PLXNB3: variants seen among roughly 807,000 people sequenced by gnomAD.
PLXNB3 encodes the protein plexin-B3.
Under a neutral mutation model 125.7 loss-of-function variants are expected in PLXNB3, and 80 were observed. The observed-to-expected ratio is 0.64, with a 90% CI of 0.53 to 0.77. The LOEUF is 0.77. Among genes scored for constraint, PLXNB3 ranks in the 30% least tolerant of loss-of-function variants. The pLI, the probability that PLXNB3 is intolerant of heterozygous loss-of-function variation, is 0.00. For missense variants in PLXNB3, 1,836 were observed against 1,729.3 expected (o/e 1.06, Z -1.09); for synonymous variants, 954 against 783.3 (o/e 1.22, Z -3.64).
rs187552839 is a variant in PLXNB3, at chrX:153,771,272, G to C, written c.2254-38G>C. 15,008 of 1,090,899 alleles carry C rather than the reference G, an allele frequency of 0.014. 1,233 individuals are homozygous for C. The African/African-American group carries it at 0.24, about 17-fold the overall frequency. The allele number at this position is 1,090,899 out of a possible 1,213,427, so 89.9% of individuals were successfully genotyped here. On this transcript the variant is annotated intron_variant, in intron 12 of 35. Coordinates refer to ENST00000361971, the MANE Select transcript of PLXNB3 (RefSeq NM_005393.3). ...AGGAGACAAGAGTCAGAGGTGCCCT[G>C]AGTGGGCACCCAGCCTGACCCCACA...
intron 5 of PLXNB3, 22 bp from the exon 6 acceptor site, chrX:153,769,140 C>G (rs781796340): frequency 1.4e-5 from 17 of 1,195,753 alleles, no homozygotes; most frequent in Admixed American, 2.2e-5. Context: ...CCCATTGCCT[C>G]TCTGCTCTGC....
rs1029099892 is a variant in PLXNB3 at position 153,773,749 on chromosome X, C to G, written c.3279+36C>G. On this transcript the variant is annotated intron_variant, in intron 19 of 35. Coordinates refer to ENST00000361971, the MANE Select transcript of PLXNB3 (RefSeq NM_005393.3). ...CACCAGCAGGCGACAAGGCTGTCCC[C>G]GACCATGCCCATGCCCAGTGGGGAG... 3.4e-6 allele frequency: 4 copies of G among 1,175,001 alleles called. No individual in the cohort carries two copies. The African/African-American group carries it at 5.3e-5, about 16-fold the overall frequency.
Position 153,774,960 on chromosome X carries a change from G to A in PLXNB3, c.4012G>A (p.Glu1338Lys), listed in dbSNP as rs200530402. The change falls in exon 24 of 36, where the codon GAG becomes AAG. Residue 1338 changes from glutamate to lysine, a missense_variant. By Grantham distance (56) the Glu-to-Lys change is moderately conservative (BLOSUM62 1). Coordinates refer to ENST00000361971, the MANE Select transcript of PLXNB3 (RefSeq NM_005393.3). ...IPFLDYRTYA[E>K]RAFFPGHGGC... ...CTTCCTGGACTACCGCACCTACGCC[G>A]AGCGCGCCTTCTTCCCTGGCCATGG... 2.3e-5 allele frequency: 27 copies of A among 1,192,583 alleles called. No individual in the cohort carries two copies. Among genetic ancestry groups the A allele is most frequent in the South Asian group, 3.7e-5 (2 of 54,107 alleles).
At chrX:153,778,844 A>G in intron 35 of PLXNB3, 91 bp from the exon 36 acceptor site, 1 of 1,108,900 alleles carries the variant, frequency 9.0e-7, no homozygotes, top group South Asian at 2.3e-5. Context: ...CTGGATCCCC[A>G]GGCTCCTGCG....
intron 10 of PLXNB3, 29 bp downstream of exon 10, chrX:153,770,671 C>CT: frequency 8.3e-7 from 1 of 1,206,780 alleles, no homozygotes; most frequent in Non-Finnish European, 1.1e-6. Context: ...CGGGCAGAGA[C>CT]AGGGCTGTCC....
chrX:153,766,647 C>T lies in PLXNB3; in HGVS notation c.46-226C>T. The T allele has an allele frequency of 1.1e-5, 8 of 753,483 alleles. No individual in the cohort carries two copies. The South Asian group carries it at 5.4e-4, about 51-fold the overall frequency. 62.1% of individuals were successfully genotyped at this position (753,483 alleles called of 1,213,427 possible). On this transcript the variant is annotated intron_variant, in intron 2 of 35. Transcript: ENST00000361971. ...CGTGCGTGCATGCACCCCTCCCTGCCTCTTGCTCCAGCTCTTGGACACTGT... is the reference window on the plus strand; with the variant it reads ...CGTGCGTGCATGCACCCCTCCCTGCTTCTTGCTCCAGCTCTTGGACACTGT...
chrX:153,772,424 G>A lies in PLXNB3; in HGVS notation c.2775+137G>A, dbSNP rs782312609. The A allele has an allele frequency of 3.7e-4, 192 of 518,049 alleles. No individual in the cohort carries two copies. The East Asian group carries it at 6.9e-3, about 19-fold the overall frequency. The allele number at this position is 518,049 out of a possible 1,213,427, so 42.7% of individuals were successfully genotyped here. A position where few individuals can be genotyped will look rare whatever the true frequency, so the allele number is the denominator to read the frequency against. On this transcript the variant is annotated intron_variant, in intron 16 of 35. Transcript: ENST00000361971. ...GCTGCATGTCTAGGAGGGAAGCCAT[G>A]GCATGTGAGTGGAGGTGGGCAGCCA...
In PLXNB3 at chrX:153,778,332, G is replaced by C; in HGVS notation, c.5474+7G>C. On this transcript the variant is annotated splice_region_variant and intron_variant, in intron 33 of 35. Coordinates refer to ENST00000361971, the MANE Select transcript of PLXNB3 (RefSeq NM_005393.3). Reference sequence around the variant, plus strand: ...ACAAGCAGATGGTGGAGAGGTGGGTGTCAGAGGCATCGGGGCTGCGGGGAA... The same window carrying C: ...ACAAGCAGATGGTGGAGAGGTGGGTCTCAGAGGCATCGGGGCTGCGGGGAA... 8.3e-7 allele frequency: 1 copy of C among 1,207,729 alleles called. No individual in the cohort carries two copies. The highest frequency in any genetic ancestry group is 1.1e-6 in the Non-Finnish European group (1 of 892,771).
At chrX:153,768,751 G>A (rs1272544301) in intron 4 of PLXNB3, among the ~76,000 whole-genome samples, 197 bp from the exon 5 acceptor site, 2 of 112,373 alleles carry the variant, frequency 1.8e-5, no homozygotes, top group Admixed American at 1.9e-4. Context: ...TGCCGCTGCT[G>A]CCCCGGTGTC....
chrX:153,777,865 G>A lies in PLXNB3; in HGVS notation c.5262-83G>A, dbSNP rs782267018. The A allele has an allele frequency of 3.6e-6, 4 of 1,124,667 alleles. No homozygotes were observed. The East Asian group carries it at 1.2e-4, about 34-fold the overall frequency. 92.7% of individuals were successfully genotyped at this position (1,124,667 alleles called of 1,213,427 possible). On this transcript the variant is annotated intron_variant, in intron 31 of 35. Transcript: ENST00000361971. ...TCCAGCGGCCCCTGGCTCCGAGTGT[G>A]TTGCCAGTAGGCTGGAGTACATGGG...
In PLXNB3 at chrX:153,778,924, T is replaced by C; in HGVS notation, c.5626-11T>C. Reference sequence around the variant, plus strand: ...GCAGGCTCAGACAGGCACCCTCCTCTGCCCGGGCAGATTATCAGTGCCCTG... The same window carrying C: ...GCAGGCTCAGACAGGCACCCTCCTCCGCCCGGGCAGATTATCAGTGCCCTG... On this transcript the variant is annotated splice_polypyrimidine_tract_variant and intron_variant, in intron 35 of 35. Transcript: ENST00000361971. 1 of 1,147,926 alleles carries C rather than the reference T, an allele frequency of 8.7e-7. No individual in the cohort carries two copies. Among genetic ancestry groups the C allele is most frequent in the Non-Finnish European group, 1.2e-6 (1 of 862,249 alleles). 94.6% of individuals were successfully genotyped at this position (1,147,926 alleles called of 1,213,427 possible).
chrX:153,771,769 G>A (rs1182633213), intron 14 of PLXNB3, 95 bp from the exon 15 acceptor site: 54 of 1,131,626 alleles, frequency 4.8e-5, no homozygotes, highest in Middle Eastern at 3.3e-4. Flanking sequence ...CCAGCAGCTC[G>A]GCCTGGCTGG....
In PLXNB3 at chrX:153,769,888, G is replaced by C; in HGVS notation, c.1578G>C (p.Leu526=). Residue 526 remains leucine, a synonymous_variant, in exon 7 of 36, where the codon CTG becomes CTC. Coordinates refer to ENST00000361971, the MANE Select transcript of PLXNB3 (RefSeq NM_005393.3). ...LWSYEEDSHC[L]HIQSLLPGHH... ...GTTATGAGGAGGACAGCCACTGCCT[G>C]CACATCCAGAGCCTGCTGCCGGGCC... 2.5e-6 allele frequency: 3 copies of C among 1,208,877 alleles called. No individual in the cohort carries two copies. The highest frequency in any genetic ancestry group is 3.4e-6 in the Non-Finnish European group (3 of 894,699).
chrX:153,779,037 T>C lies in PLXNB3; in HGVS notation c.5728T>C (p.Ter1910ArgextTer18). Residue 1910 changes from the stop codon to arginine (R), a stop_lost, in exon 36 of 36, where the codon TGA becomes CGA. Coordinates refer to ENST00000361971, the MANE Select transcript of PLXNB3 (RefSeq NM_005393.3). ...ALVENKVTDL[*>R] ...GGTGGAAAACAAAGTGACTGACCTG[T>C]GAGCTCTGGCTCAGACAGCAGCAAG... The C allele has an allele frequency of 8.6e-7, 1 of 1,167,955 alleles. No individual in the cohort carries two copies. Among genetic ancestry groups the C allele is most frequent in the East Asian group, 3.0e-5 (1 of 33,028 alleles).
intron 15 of PLXNB3, 34 bp downstream of exon 15, chrX:153,772,049 G>A (rs1333648943): frequency 2.6e-6 from 3 of 1,168,510 alleles, no homozygotes; most frequent in African/African-American, 1.8e-5. Flanking sequence ...TGGGTGGGGA[G>A]GCCCTCAGAG....
rs916160559 is a variant in PLXNB3, at chrX:153,766,725, T to C, written c.46-148T>C. 10 of 1,052,643 alleles carry C rather than the reference T, an allele frequency of 9.5e-6. No homozygotes were observed. In the Admixed American group the frequency reaches 4.1e-4, roughly 43 times the overall value. The allele number at this position is 1,052,643 out of a possible 1,213,427, so 86.7% of individuals were successfully genotyped here. On this transcript the variant is annotated intron_variant, in intron 2 of 35. Coordinates refer to ENST00000361971, the MANE Select transcript of PLXNB3 (RefSeq NM_005393.3). The stretch of plus-strand genomic sequence containing the variant: ...TCTGTGCCCCCTCTGTCTCCTTGTC[T>C]CCGCTCACTCTCTCTCATTCTCCAT...
Position 153,768,868 on chromosome X carries a change from C to G in PLXNB3, c.1267-80C>G, listed in dbSNP as rs782664347. On this transcript the variant is annotated intron_variant, in intron 4 of 35. Transcript: ENST00000361971. ...GGGGAACTGGCTCTAAAAAGGAGCC[C>G]CCACTAGGAGGAGGGCGTGTCCCTG... 3.6e-6 allele frequency: 4 copies of G among 1,098,444 alleles called. No homozygotes were observed. In the East Asian group the frequency reaches 1.2e-4, roughly 33 times the overall value. 90.5% of individuals were successfully genotyped at this position (1,098,444 alleles called of 1,213,427 possible). A position where few individuals can be genotyped will look rare whatever the true frequency, so the allele number is the denominator to read the frequency against.
At chrX:153,773,043 G>T (rs375679258) in intron 17 of PLXNB3, 27 bp downstream of exon 17, 130 of 1,149,759 alleles carry the variant, frequency 1.1e-4, no homozygotes, top group Non-Finnish European at 1.4e-4. Context: ...CTGCCGTCGG[G>T]TGGTGGGCAC....
In PLXNB3 at chrX:153,767,536, G is replaced by A; in HGVS notation, c.709G>A (p.Ala237Thr). The change falls in exon 3 of 36, where the codon GCC (alanine) becomes ACC (threonine). Residue 237 changes from alanine (A) to threonine (T), a missense_variant. Coordinates refer to ENST00000361971, the MANE Select transcript of PLXNB3 (RefSeq NM_005393.3). ...FSDYNNSYVG[A>T]FADARSAYFV... Reference sequence around the variant, plus strand: ...CGACTACAACAACAGCTACGTCGGGGCCTTTGCCGACGCCCGCTCCGCCTA... The same window carrying A: ...CGACTACAACAACAGCTACGTCGGGACCTTTGCCGACGCCCGCTCCGCCTA... The A allele has an allele frequency of 8.5e-7, 1 of 1,176,842 alleles. No individual in the cohort carries two copies.
Sources: gnomAD v4.1 joint callset for allele counts (sites outside exome capture counted in the v4.1 genomes callset) on GRCh38, gnomAD v4.1.1 for gene constraint, MANE v1.5 for transcripts, NCBI Gene and HGNC (gene_info 2026-07-23, HGNC 2026-07-21) for gene names.